HEMK2: variants seen among roughly 807,000 people sequenced by gnomAD.
The protein encoded by HEMK2 is methyltransferase HEMK2.
the HEMK2 span, among the ~76,000 whole-genome samples, chr21:28,724,151 G>C: frequency 2.0e-5 from 3 of 152,158 alleles, no homozygotes; most frequent in Admixed American, 6.5e-5. Flanking sequence ...TTACTTGTGA[G>C]AGTTATTAAC....
chr21:28,587,693 T>C, the HEMK2 span, among the ~76,000 whole-genome samples: 2 of 152,320 alleles, frequency 1.3e-5, no homozygotes, highest in South Asian at 2.1e-4. Context: ...GAGTTGGATT[T>C]TTTTAATTTA....
At chr21:28,844,589 G>A in the HEMK2 span, among the ~76,000 whole-genome samples, 2 of 151,984 alleles carry the variant, frequency 1.3e-5, no homozygotes, top group South Asian at 4.1e-4. Flanking sequence ...TGGAATTGCT[G>A]GGCCAAGAAG....
chr21:28,680,428 A>T, the HEMK2 span, among the ~76,000 whole-genome samples: 1 of 152,198 alleles, frequency 6.6e-6, no homozygotes, highest in Non-Finnish European at 1.5e-5. Context: ...CAACCAAAAA[A>T]AGTCCAGGAC....
the HEMK2 span, among the ~76,000 whole-genome samples, chr21:28,780,138 T>C: frequency 2.0e-5 from 3 of 152,054 alleles, no homozygotes; most frequent in Non-Finnish European, 4.4e-5. Flanking sequence ...TAATGAGACA[T>C]CACTGGGTTC....
the HEMK2 span, among the ~76,000 whole-genome samples, chr21:28,746,257 C>A: frequency 1.3e-5 from 2 of 152,170 alleles, no homozygotes; most frequent in African/African-American, 4.8e-5. Flanking sequence ...CTGTATACTT[C>A]ATCACTGTAA....
the HEMK2 span, among the ~76,000 whole-genome samples, chr21:28,577,620 G>A: frequency 6.6e-5 from 10 of 151,842 alleles, no homozygotes; most frequent in African/African-American, 2.4e-4. Flanking sequence ...ACATATCTAG[G>A]GTTGCCAGAT....
At chr21:28,732,021 T>C in the HEMK2 span, among the ~76,000 whole-genome samples, 18 of 152,216 alleles carry the variant, frequency 1.2e-4, no homozygotes, top group Admixed American at 1.2e-3. Flanking sequence ...CGGAAAAGCG[T>C]TGCTTTGAAC....
At chr21:28,618,510 T>C in the HEMK2 span, among the ~76,000 whole-genome samples, 1 of 152,234 alleles carries the variant, frequency 6.6e-6, no homozygotes, top group Non-Finnish European at 1.5e-5. Flanking sequence ...AATTTTATTT[T>C]GAATTGATTA....
chr21:28,583,337 C>G, the HEMK2 span, among the ~76,000 whole-genome samples: 1 of 152,074 alleles, frequency 6.6e-6, no homozygotes, highest in African/African-American at 2.4e-5. Context: ...TTTAATGACA[C>G]ACAATGGCTG....
chr21:28,819,865 C>A, the HEMK2 span, among the ~76,000 whole-genome samples: 2 of 151,994 alleles, frequency 1.3e-5, no homozygotes, highest in African/African-American at 4.8e-5. Flanking sequence ...TATTTTCTAA[C>A]GATTTCTTTA....
the HEMK2 span, among the ~76,000 whole-genome samples, chr21:28,583,003 A>G: frequency 6.6e-6 from 1 of 152,188 alleles, no homozygotes; most frequent in Non-Finnish European, 1.5e-5. Flanking sequence ...ATTCTAAAGA[A>G]ATGTGGTACT....
the HEMK2 span, among the ~76,000 whole-genome samples, chr21:28,592,711 T>C: frequency 6.6e-6 from 1 of 152,190 alleles, no homozygotes; most frequent in East Asian, 1.9e-4. Flanking sequence ...CAGCATACAA[T>C]AAGCTTTTAA....
chr21:28,608,590 C>T, the HEMK2 span, among the ~76,000 whole-genome samples: 1 of 152,182 alleles, frequency 6.6e-6, no homozygotes, highest in East Asian at 1.9e-4. Context: ...CTATTGCAGG[C>T]TCTGTGAGAC....
the HEMK2 span, among the ~76,000 whole-genome samples, chr21:28,762,980 G>A: frequency 6.6e-6 from 1 of 152,096 alleles, no homozygotes; most frequent in Non-Finnish European, 1.5e-5. Flanking sequence ...AGGGGAAACA[G>A]GAAATTCGGA....
chr21:28,747,663 A>G, the HEMK2 span, among the ~76,000 whole-genome samples: 1 of 152,358 alleles, frequency 6.6e-6, no homozygotes, highest in Non-Finnish European at 1.5e-5. Context: ...TAAATGTGGT[A>G]CACATATACC....
chr21:28,739,685 G>A, the HEMK2 span, among the ~76,000 whole-genome samples: 340 of 152,318 alleles, frequency 2.2e-3, 2 homozygotes, highest in African/African-American at 7.7e-3. Flanking sequence ...ATAGCCATTA[G>A]CCCTAGGTGC....
chr21:28,827,960 T>C, the HEMK2 span, among the ~76,000 whole-genome samples: 2 of 152,146 alleles, frequency 1.3e-5, no homozygotes, highest in East Asian at 1.9e-4. Context: ...CTGAGGGGTA[T>C]GTATGTAGGT....
At chr21:28,716,346 C>T in the HEMK2 span, among the ~76,000 whole-genome samples, 1 of 152,082 alleles carries the variant, frequency 6.6e-6, no homozygotes, top group Admixed American at 6.6e-5. Context: ...GATCTCTCCC[C>T]TCCTTGACTA....
the HEMK2 span, among the ~76,000 whole-genome samples, chr21:28,781,943 T>A: frequency 6.6e-6 from 1 of 152,200 alleles, no homozygotes; most frequent in Non-Finnish European, 1.5e-5. Flanking sequence ...ACCTCCAGAG[T>A]AAGGGTCATC....
Sources: allele counts gnomAD v4.1 joint callset (sites outside exome capture counted in the v4.1 genomes callset), GRCh38; gene constraint gnomAD v4.1.1; transcripts MANE v1.5; gene names NCBI Gene and HGNC (gene_info 2026-07-23, HGNC 2026-07-21).